The following WDR76 variants were observed in gnomAD, a reference collection of about 807,000 sequenced individuals.
The protein encoded by WDR76 is WD repeat-containing protein 76.
A neutral mutation model predicts 70.2 loss-of-function variants in WDR76; 52 were observed. That is an observed-to-expected ratio of 0.74 (90% CI 0.59 to 0.93). The LOEUF (loss-of-function observed/expected upper bound fraction) is 0.93. WDR76 is among the 40% of genes least tolerant of loss of function. WDR76 has a pLI of 0.00. For synonymous variants in WDR76, 292 were observed against 271.1 expected, an observed-to-expected ratio of 1.08 and a Z score of -0.76; for missense variants, 756 against 760.2, an observed-to-expected ratio of 0.99 and a Z score of 0.07.
At chr15:43,849,302 C>T (rs1248424211) in intron 8 of WDR76, among the ~76,000 whole-genome samples, 3 of 151,648 alleles carry the variant, frequency 2.0e-5, no homozygotes, top group African/African-American at 4.8e-5. Flanking sequence ...TTGTTTTATA[C>T]TTTTGCCATT....
At chr15:43,833,423 A>G (rs531579932) in intron 2 of WDR76, among the ~76,000 whole-genome samples, 1 of 145,904 alleles carries the variant, frequency 6.9e-6, no homozygotes, top group Non-Finnish European at 1.5e-5. Flanking sequence ...GGTTCATGCC[A>G]TTCTCCTGCC....
At chr15:43,842,347 C>T in intron 5 of WDR76, 68 bp from the exon 6 acceptor site, 5 of 1,399,430 alleles carry the variant, frequency 3.6e-6, no homozygotes, top group Non-Finnish European at 5.0e-6. Flanking sequence ...GACAAATACC[C>T]TTGCCCTCCT....
intron 8 of WDR76, among the ~76,000 whole-genome samples, chr15:43,847,445 C>T (rs28476182): frequency 0.18 from 26,984 of 148,504 alleles, 3,562 homozygotes; most frequent in African/African-American, 0.37. Flanking sequence ...TTTTTTGAGA[C>T]GAGTCTTGCT....
In WDR76 at chr15:43,866,254, A is replaced by C. The variant is rs1375286038; in HGVS notation, c.1743A>C (p.Gly581=). ...PRRVEIFHET[G]KRVHSFGGEY... ...GGGTAGAAATCTTCCATGAGACAGG[A>C]AAGAGGGTGCATTCGTTTGGTGGAG... Residue 581 remains glycine (G), a synonymous_variant, in exon 13 of 13, where the codon GGA becomes GGC. Transcript: ENST00000263795. 6.2e-7 allele frequency: 1 copy of C among 1,614,176 alleles called. No homozygotes were observed. Among genetic ancestry groups the C allele is most frequent in the East Asian group, 2.2e-5 (1 of 44,882 alleles).
chr15:43,838,593 T>C (rs558434001), intron 4 of WDR76, among the ~76,000 whole-genome samples: 1 of 152,350 alleles, frequency 6.6e-6, no homozygotes, highest in African/African-American at 2.4e-5. Flanking sequence ...TATTCTGAGA[T>C]TTTCTTATTT....
intron 5 of WDR76, among the ~76,000 whole-genome samples, chr15:43,840,912 T>A (rs981203041): frequency 6.6e-5 from 10 of 151,812 alleles, no homozygotes; most frequent in Non-Finnish European, 1.0e-4. Context: ...GACGTTAATT[T>A]AAAAATATAT....
At chr15:43,850,496 C>T (rs1038418505) in intron 8 of WDR76, among the ~76,000 whole-genome samples, 9 of 151,750 alleles carry the variant, frequency 5.9e-5, no homozygotes, top group Non-Finnish European at 1.3e-4. Context: ...GGGGTTTCAC[C>T]ATGTTAGCCA....
At chr15:43,857,246 A>T in intron 10 of WDR76, 83 bp downstream of exon 10, 6 of 1,314,354 alleles carry the variant, frequency 4.6e-6, no homozygotes, top group Non-Finnish European at 6.2e-6. Context: ...AGATATTGTA[A>T]TACAATATTA....
At chr15:43,857,609 C>G (rs1206259419) in intron 10 of WDR76, 1 of 833,620 alleles carries the variant, frequency 1.2e-6, no homozygotes, top group Admixed American at 6.2e-5. Context: ...CACTTGAGGT[C>G]AGGAGTTCGA....
chr15:43,867,625 C>G lies in WDR76; in HGVS notation c.*1233C>G, dbSNP rs1195253988. 1.3e-5 allele frequency: 2 copies of G among 151,534 alleles called. No individual in the cohort carries two copies. The highest frequency in any genetic ancestry group is 2.9e-5 in the Non-Finnish European group (2 of 67,924). 9.4% of individuals were successfully genotyped at this position (151,534 alleles called of 1,614,324 possible). ...ATGGATAAAGAAGTTAAAGCTACTG[C>G]TTAGAATGAAGAAGGCCCCAGGCTT... On this transcript the variant is annotated 3_prime_UTR_variant, in exon 13 of 13. Coordinates refer to ENST00000263795, the MANE Select transcript of WDR76 (RefSeq NM_024908.4).
intron 2 of WDR76, among the ~76,000 whole-genome samples, chr15:43,831,867 C>T (rs2087594118): frequency 6.6e-6 from 1 of 151,182 alleles, no homozygotes; most frequent in Non-Finnish European, 1.5e-5. Flanking sequence ...CGGAGTCTCA[C>T]CTGTCGCCCA....
At chr15:43,827,920 G>A in intron 1 of WDR76, 45 bp from the exon 2 acceptor site, 1 of 1,519,470 alleles carries the variant, frequency 6.6e-7, no homozygotes, top group East Asian at 2.3e-5. Flanking sequence ...AAAGGCACAG[G>A]ACTTGGAGTT....
intron 11 of WDR76, 146 bp from the exon 12 acceptor site, chr15:43,861,187 C>A: frequency 1.4e-6 from 1 of 726,850 alleles, no homozygotes; most frequent in East Asian, 2.8e-5. Flanking sequence ...GCATGGGCCT[C>A]TAAACCCGGC....
At chr15:43,832,768 T>TG (rs1204290942) in intron 2 of WDR76, among the ~76,000 whole-genome samples, 1 of 134,964 alleles carries the variant, frequency 7.4e-6, no homozygotes, top group Non-Finnish European at 1.6e-5. Flanking sequence ...TTTTTTTTTT[T>TG]TTGAGACAGT....
intron 2 of WDR76, among the ~76,000 whole-genome samples, chr15:43,828,817 CAA>C (rs2141719485): frequency 6.6e-6 from 1 of 151,976 alleles, no homozygotes; most frequent in African/African-American, 2.4e-5. Context: ...CAAAACGAGA[CAA>C]ATGACAGAGT....
chr15:43,828,958 A>G (rs981371587), intron 2 of WDR76, among the ~76,000 whole-genome samples: 13 of 150,246 alleles, frequency 8.7e-5, no homozygotes, highest in African/African-American at 3.0e-4. Flanking sequence ...GCCAGAGTGC[A>G]GTGACGCTAT....
At chr15:43,857,237 GA>G in intron 10 of WDR76, 74 bp downstream of exon 10, 1 of 1,397,380 alleles carries the variant, frequency 7.2e-7, no homozygotes, top group East Asian at 2.4e-5. Flanking sequence ...GGTTGTCAAA[GA>G]TATTGTAATA....
In WDR76 at chr15:43,861,372, C is replaced by A; in HGVS notation, c.1602C>A (p.Leu534=). The A allele has an allele frequency of 6.2e-7, 1 of 1,613,942 alleles. No individual in the cohort carries two copies. Among genetic ancestry groups the A allele is most frequent in the Non-Finnish European group, 8.5e-7 (1 of 1,179,900 alleles). ...GCTGTATATCTTCTAAGATTCCGCT[C>A]CTCACCACCATCAGGTAGGCTTCTA... ...DSSCISSKIP[L]LTTIRHNTFT... is the part of the protein sequence containing the mutation. The change falls in exon 12 of 13, where the codon CTC becomes CTA. Residue 534 remains leucine, a synonymous_variant. Coordinates refer to ENST00000263795, the MANE Select transcript of WDR76 (RefSeq NM_024908.4).
rs1246584137 is a variant in WDR76 at position 43,831,059 on chromosome 15, C to CA, written c.462+2702dup. Among the ~76,000 whole-genome samples the CA allele has an allele frequency of 5.0e-3, 742 of 147,214 alleles. 10 individuals are homozygous for CA. The highest frequency in any genetic ancestry group is 0.018 in the African/African-American group (712 of 40,052). On this transcript the variant is annotated intron_variant, in intron 2 of 12. Transcript: ENST00000263795. ...CGAGACTCTGTCCCCACTTCCCCAC[C>CA]AAAAAAAAAGAAAATATAAAAATTA...
Sources: allele counts gnomAD v4.1 joint callset (sites outside exome capture counted in the v4.1 genomes callset), GRCh38; gene constraint gnomAD v4.1.1; transcripts MANE v1.5; gene names NCBI Gene and HGNC (gene_info 2026-07-23, HGNC 2026-07-21).